Variants in ATP8A2 observed in about 807,000 individuals in gnomAD.
ATP8A2 encodes phospholipid-transporting ATPase IB.
A neutral mutation model predicts 165.6 loss-of-function variants in ATP8A2; 100 were observed. That is an observed-to-expected ratio of 0.60 (90% CI 0.51 to 0.71). ATP8A2 has a LOEUF of 0.71. Among genes scored for constraint, ATP8A2 ranks in the 30% least tolerant of loss-of-function variants. The pLI is 0.00. For synonymous variants in ATP8A2, 543 were observed against 548.8 expected (o/e 0.99, Z 0.15); for missense variants, 1,227 against 1,479.5 (o/e 0.83, Z 2.80).
intron 33 of ATP8A2, among the ~76,000 whole-genome samples, chr13:25,947,137 G>A (rs1372342356): frequency 1.3e-5 from 2 of 152,152 alleles, no homozygotes; most frequent in African/African-American, 4.8e-5. Context: ...TGATCATATG[G>A]CTTGACATAA....
intron 25 of ATP8A2, among the ~76,000 whole-genome samples, chr13:25,704,465 A>G (rs959037448): frequency 6.6e-6 from 1 of 151,968 alleles, no homozygotes; most frequent in African/African-American, 2.4e-5. Context: ...CAGTCTCCCA[A>G]ATAGCTGGGA....
At chr13:25,480,331 C>A (rs879270820) in intron 2 of ATP8A2, among the ~76,000 whole-genome samples, 1 of 151,334 alleles carries the variant, frequency 6.6e-6, no homozygotes, top group Admixed American at 6.6e-5. Flanking sequence ...GGGCGGCTGC[C>A]GGGCGGAGAC....
chr13:25,575,095 T>G (rs2039579332), intron 19 of ATP8A2, among the ~76,000 whole-genome samples: 1 of 152,240 alleles, frequency 6.6e-6, no homozygotes, highest in Non-Finnish European at 1.5e-5. Context: ...GTCCTCCTTT[T>G]TCTTTAGATT....
chr13:25,762,569 T>A (rs1175723572), intron 25 of ATP8A2, among the ~76,000 whole-genome samples: 1 of 152,182 alleles, frequency 6.6e-6, no homozygotes, highest in Non-Finnish European at 1.5e-5. Context: ...TATATGAAAG[T>A]TAAGATAGTT....
intron 10 of ATP8A2, among the ~76,000 whole-genome samples, chr13:25,547,278 C>A (rs2038681780): frequency 6.6e-6 from 1 of 151,984 alleles, no homozygotes; most frequent in African/African-American, 2.4e-5. Context: ...AAGAACCAGG[C>A]CCTACAGCAG....
At chr13:25,859,489 G>T (rs1952277857) in intron 30 of ATP8A2, among the ~76,000 whole-genome samples, 1 of 152,038 alleles carries the variant, frequency 6.6e-6, no homozygotes, top group African/African-American at 2.4e-5. Flanking sequence ...CTGTGCAGGT[G>T]TAGCGGAGAT....
chr13:25,393,130 A>C (rs1305744869), intron 1 of ATP8A2, among the ~76,000 whole-genome samples: 2 of 118,312 alleles, frequency 1.7e-5, no homozygotes, highest in Non-Finnish European at 3.4e-5. Flanking sequence ...ATTTATTTAC[A>C]TACTTTTTTT....
At chr13:25,531,345 G>T (rs1243962283) in intron 4 of ATP8A2, among the ~76,000 whole-genome samples, 24 of 122,496 alleles carry the variant, frequency 2.0e-4, no homozygotes, top group African/African-American at 7.4e-4. Context: ...TGTTATATAT[G>T]ATATATATGT....
chr13:25,884,305 G>A (rs1953074296), intron 33 of ATP8A2, among the ~76,000 whole-genome samples: 1 of 152,184 alleles, frequency 6.6e-6, no homozygotes, highest in Non-Finnish European at 1.5e-5. Flanking sequence ...GATTGGGGAT[G>A]ATGGCTGCAC....
intron 26 of ATP8A2, among the ~76,000 whole-genome samples, chr13:25,772,861 G>A (rs1326267493): frequency 6.6e-6 from 1 of 152,030 alleles, no homozygotes; most frequent in Non-Finnish European, 1.5e-5. Context: ...CTGGGTTCAA[G>A]TGATTGTCCT....
At chr13:25,573,965 GC>G (rs2039543910) in intron 18 of ATP8A2, among the ~76,000 whole-genome samples, 1 of 152,168 alleles carries the variant, frequency 6.6e-6, no homozygotes, top group Non-Finnish European at 1.5e-5. Context: ...ACTTCTCTGA[GC>G]CCTAAGAGAT....
chr13:25,852,215 AT>A (rs1952025087), intron 30 of ATP8A2, among the ~76,000 whole-genome samples: 1 of 152,144 alleles, frequency 6.6e-6, no homozygotes, highest in Admixed American at 6.5e-5. Context: ...CCCAGGGGAC[AT>A]TTGGCAATGT....
At chr13:25,408,316 C>G (rs867871891) in intron 1 of ATP8A2, among the ~76,000 whole-genome samples, 119 of 152,034 alleles carry the variant, frequency 7.8e-4, no homozygotes, top group African/African-American at 2.3e-3. Context: ...TTGCTTGAAC[C>G]CAGGAGGCGG....
At chr13:25,531,140 TATATATGTTATATATATG>T (rs2038022080) in intron 4 of ATP8A2, among the ~76,000 whole-genome samples, 1 of 142,718 alleles carries the variant, frequency 7.0e-6, no homozygotes, top group African/African-American at 2.6e-5. Context: ...TGTGTGTGTA[TATATATGTTATATATATG>T]ATATATATGT....
At chr13:25,513,104 G>A (rs1337196526) in intron 2 of ATP8A2, among the ~76,000 whole-genome samples, 37 of 151,382 alleles carry the variant, frequency 2.4e-4, no homozygotes, top group African/African-American at 8.5e-4. Context: ...AGGCGGAGAC[G>A]CTCCTCACTT....
intron 27 of ATP8A2, among the ~76,000 whole-genome samples, chr13:25,827,667 T>G (rs1052596287): frequency 1.3e-5 from 2 of 152,238 alleles, no homozygotes; most frequent in African/African-American, 4.8e-5. Context: ...GGTCAATAAT[T>G]TATGAACTCA....
At chr13:25,957,544 G>A (rs1332204643) in intron 33 of ATP8A2, among the ~76,000 whole-genome samples, 1 of 152,234 alleles carries the variant, frequency 6.6e-6, no homozygotes, top group Non-Finnish European at 1.5e-5. Context: ...TTAGAGAAAT[G>A]CAAGTCAAAA....
At chr13:25,456,993 TC>T (rs1566146724) in intron 1 of ATP8A2, among the ~76,000 whole-genome samples, 1 of 151,856 alleles carries the variant, frequency 6.6e-6, no homozygotes, top group South Asian at 2.1e-4. Context: ...AAGAAAACAA[TC>T]CCCCAAAAAC....
At chr13:25,761,675 T>C (rs1030552172) in intron 25 of ATP8A2, among the ~76,000 whole-genome samples, 1 of 149,604 alleles carries the variant, frequency 6.7e-6, no homozygotes, top group Non-Finnish European at 1.5e-5. Flanking sequence ...TACACACACA[T>C]ATGATAAGGT....
Sources: gnomAD v4.1 joint callset for allele counts (sites outside exome capture counted in the v4.1 genomes callset) on GRCh38, gnomAD v4.1.1 for gene constraint, MANE v1.5 for transcripts, NCBI Gene and HGNC (gene_info 2026-07-23, HGNC 2026-07-21) for gene names.